Variants in CCDC190 observed in about 807,000 individuals in gnomAD.
CCDC190 encodes coiled-coil domain containing 190, also known as coiled-coil domain-containing protein 190.
Under a neutral mutation model 13.1 loss-of-function variants are expected in CCDC190, and 10 were observed. The ratio of observed to expected loss-of-function variants is 0.77; its 90% CI spans 0.47 to 1.30. CCDC190 has a LOEUF of 1.30. CCDC190 is among the 50% of genes most tolerant of loss of function. CCDC190 has a pLI of 0.00. For synonymous variants in CCDC190, 136 were observed against 127.2 expected (o/e 1.07, Z -0.47); for missense variants, 375 against 354.3 (o/e 1.06, Z -0.47).
chr1:162,857,239 A>G (rs917086003), intron 2 of CCDC190, among the ~76,000 whole-genome samples: 4 of 152,196 alleles, frequency 2.6e-5, no homozygotes, highest in African/African-American at 9.6e-5. Flanking sequence ...TTAGGCCTTG[A>G]AACCATGGCC....
In CCDC190 at chr1:162,851,117, C is replaced by T. The variant is rs895716101; in HGVS notation, c.*3648G>A. On this transcript the variant is annotated 3_prime_UTR_variant, in exon 4 of 4. Transcript: ENST00000367912. ...CATCCAGTTTAAAGTCTTTCTTCTC[C>T]ACCCGTGGAACTTCTGTTCTACTGC... is the stretch of plus-strand genomic sequence containing the variant. Among the ~76,000 whole-genome samples the T allele has an allele frequency of 6.6e-6, 1 of 151,996 alleles. No homozygotes were observed. Among genetic ancestry groups the T allele is most frequent in the African/African-American group, 2.4e-5 (1 of 41,366 alleles).
At chr1:162,866,040 C>A (rs562419528), upstream of CCDC190, among the ~76,000 whole-genome samples, 7 of 152,094 alleles carry the variant, frequency 4.6e-5, no homozygotes, top group African/African-American at 1.7e-4. Flanking sequence ...TATCAATATA[C>A]AAAATATGTT....
At chr1:162,862,617 G>A (rs1040147360), upstream of CCDC190, among the ~76,000 whole-genome samples, 8 of 152,170 alleles carry the variant, frequency 5.3e-5, no homozygotes, top group East Asian at 1.9e-4. Context: ...CAGAGGACAC[G>A]AGAACACAAA....
At chr1:162,867,618 A>C (rs1344803796) in intron 1 of CCDC190, among the ~76,000 whole-genome samples, 3 of 152,328 alleles carry the variant, frequency 2.0e-5, no homozygotes, top group African/African-American at 7.2e-5. Context: ...GTGCTCATAA[A>C]AAGATTTGTA....
At chr1:162,866,801 A>T (rs7523253) in intron 1 of CCDC190, among the ~76,000 whole-genome samples, 4 of 151,864 alleles carry the variant, frequency 2.6e-5, no homozygotes, top group Non-Finnish European at 2.9e-5. Flanking sequence ...ACATTTAGTC[A>T]GTTTATTTTA....
chr1:162,853,856 C>G lies in CCDC190; in HGVS notation c.*909G>C, dbSNP rs1258558040. On this transcript the variant is annotated 3_prime_UTR_variant, in exon 4 of 4. Coordinates refer to ENST00000367912, the MANE Select transcript of CCDC190 (RefSeq NM_001394065.1). ...GTGGTGATGATTTTATTCTACACTT[C>G]ATTAGGTAGACAGTAAGTTTAAAAC... Among the ~76,000 whole-genome samples the G allele has an allele frequency of 1.3e-5, 2 of 152,208 alleles. No homozygotes were observed. Among genetic ancestry groups the G allele is most frequent in the Non-Finnish European group, 2.9e-5 (2 of 68,044 alleles).
chr1:162,863,595 T>A (rs2032050), upstream of CCDC190, among the ~76,000 whole-genome samples: 130,512 of 152,190 alleles, frequency 0.86, 57,161 homozygotes, highest in Non-Finnish European at 0.96. Flanking sequence ...CAGCTTACTG[T>A]CTGGAAAGGG....
rs528968419 is a variant in CCDC190 at position 162,854,697 on chromosome 1, A to C, written c.*68T>G. The C allele has an allele frequency of 4.0e-6, 6 of 1,518,066 alleles. No homozygotes were observed. The South Asian group carries it at 7.9e-5, about 20-fold the overall frequency. The allele number at this position is 1,518,066 out of a possible 1,614,324, so 94.0% of individuals were successfully genotyped here. On this transcript the variant is annotated 3_prime_UTR_variant, in exon 4 of 4. Transcript: ENST00000367912. ...TTTGTTTTTCTCTGTATTGCTTAAT[A>C]TAGTCATTTGAGGAACACATTTCCT...
chr1:162,864,256 T>C (rs909456596), upstream of CCDC190, among the ~76,000 whole-genome samples: 30 of 152,156 alleles, frequency 2.0e-4, no homozygotes, highest in African/African-American at 6.5e-4. Context: ...AAAATCAACC[T>C]AGAATTCTGT....
chr1:162,853,105 T>A lies in CCDC190; in HGVS notation c.*1660A>T. 6.5e-7 allele frequency: 1 copy of A among 1,549,948 alleles called. No homozygotes were observed. Among genetic ancestry groups the A allele is most frequent in the Non-Finnish European group, 8.7e-7 (1 of 1,146,200 alleles). ...GAAGAAAGTGTTGGAGGAAGCAGAT[T>A]TCTTGTGTTCCTTTCACTATAAAGT... On this transcript the variant is annotated 3_prime_UTR_variant, in exon 4 of 4. Coordinates refer to ENST00000367912, the MANE Select transcript of CCDC190 (RefSeq NM_001394065.1).
intron 2 of CCDC190, 52 bp downstream of exon 2, chr1:162,859,408 C>T (rs1650419874): frequency 2.6e-6 from 4 of 1,524,580 alleles, no homozygotes; most frequent in Non-Finnish European, 3.6e-6. Flanking sequence ...GATGGGCCTG[C>T]TGCCCTGCTG....
At chr1:162,866,625 C>T (rs1257670860) in intron 1 of CCDC190, among the ~76,000 whole-genome samples, 1 of 151,722 alleles carries the variant, frequency 6.6e-6, no homozygotes, top group Non-Finnish European at 1.5e-5. Flanking sequence ...AAATGACTTA[C>T]AGTAGTCAAA....
At position 162,853,825 on chromosome 1, in the gene CCDC190, T is replaced by C. The variant is rs150246491; in HGVS notation, c.*940A>G. On this transcript the variant is annotated 3_prime_UTR_variant, in exon 4 of 4. Coordinates refer to ENST00000367912, the MANE Select transcript of CCDC190 (RefSeq NM_001394065.1). ...GTTTTCCTGATAGAGTCAGTATAGA[T>C]AAAAAGTGGTGATGATTTTATTCTA... Among the ~76,000 whole-genome samples the C allele has an allele frequency of 1.3e-5, 2 of 152,320 alleles. No individual in the cohort carries two copies. The highest frequency in any genetic ancestry group is 1.9e-4 in the East Asian group (1 of 5,192).
At chr1:162,866,669 A>G (rs1650716356) in intron 1 of CCDC190, among the ~76,000 whole-genome samples, 1 of 152,164 alleles carries the variant, frequency 6.6e-6, no homozygotes, top group Non-Finnish European at 1.5e-5. Flanking sequence ...ATTATATAGG[A>G]CTTAATATTA....
intron 1 of CCDC190, 44 bp downstream of exon 1, chr1:162,860,964 G>C (rs1403168325): frequency 1.1e-6 from 1 of 916,834 alleles, no homozygotes; most frequent in African/African-American, 1.8e-5. Context: ...AGAGTCTAAA[G>C]TATAACTAAA....
At chr1:162,865,699 A>G (rs1408604781), upstream of CCDC190, among the ~76,000 whole-genome samples, 1 of 152,224 alleles carries the variant, frequency 6.6e-6, no homozygotes, top group African/African-American at 2.4e-5. Flanking sequence ...TGAATTAAAA[A>G]TCATTTCACG....
Position 162,852,975 on chromosome 1 carries a change from C to T in CCDC190, c.*1790G>A, listed in dbSNP as rs917448159. On this transcript the variant is annotated 3_prime_UTR_variant, in exon 4 of 4. Transcript: ENST00000367912. ...AAGGGGTTCTCTAATTGTTGTATGC[C>T]TATTCATGTTGGCCCAGGCATGGCT... 49 of 729,030 alleles carry T rather than the reference C, an allele frequency of 6.7e-5. No individual in the cohort carries two copies. Among genetic ancestry groups the T allele is most frequent in the Non-Finnish European group, 1.1e-4 (45 of 418,328 alleles). The allele number at this position is 729,030 out of a possible 1,614,324, so 45.2% of individuals were successfully genotyped here. A position where few individuals can be genotyped will look rare whatever the true frequency, so the allele number is the denominator to read the frequency against.
chr1:162,854,510 A>G lies in CCDC190; in HGVS notation c.*255T>C. Reference sequence around the variant, plus strand: ...TTCCCAAGTCCAGTCATCAATATATATTCATATTTTTGATGACATCATAAA... The same window carrying G: ...TTCCCAAGTCCAGTCATCAATATATGTTCATATTTTTGATGACATCATAAA... On this transcript the variant is annotated 3_prime_UTR_variant, in exon 4 of 4. Transcript: ENST00000367912. 8.1e-7 allele frequency: 1 copy of G among 1,231,654 alleles called. No homozygotes were observed. The highest frequency in any genetic ancestry group is 1.5e-5 in the African/African-American group (1 of 65,678). 76.3% of individuals were successfully genotyped at this position (1,231,654 alleles called of 1,614,324 possible).
chr1:162,858,056 A>G (rs1650368415), intron 2 of CCDC190, among the ~76,000 whole-genome samples: 1 of 152,244 alleles, frequency 6.6e-6, no homozygotes, highest in Admixed American at 6.5e-5. Flanking sequence ...CATTTAAATG[A>G]ATCATGGAAA....
Sources: allele counts gnomAD v4.1 joint callset (sites outside exome capture counted in the v4.1 genomes callset), GRCh38; gene constraint gnomAD v4.1.1; transcripts MANE v1.5; gene names NCBI Gene and HGNC (gene_info 2026-07-23, HGNC 2026-07-21).